SYNE2: variants seen among roughly 807,000 people sequenced by gnomAD.
SYNE2 encodes the protein spectrin repeat containing nuclear envelope protein 2.
SYNE2 carries 431 observed loss-of-function variants against 856.3 expected under a neutral mutation model. The ratio of observed to expected loss-of-function variants is 0.50; its 90% CI spans 0.47 to 0.55. The LOEUF is 0.55. Among genes scored for constraint, SYNE2 ranks in the 20% least tolerant of loss-of-function variants. The probability of loss-of-function intolerance (pLI) is 0.00; values close to 1 mark genes in which losing one functional copy is unlikely to be tolerated. For synonymous variants in SYNE2, 2,923 were observed against 2,872.3 expected, an observed-to-expected ratio of 1.02 and a Z score of -0.56; for missense variants, 8,129 against 8,023.2, an observed-to-expected ratio of 1.01 and a Z score of -0.50.
At chr14:64,013,163 T>C (rs2096860590) in intron 32 of SYNE2, among the ~76,000 whole-genome samples, 1 of 152,196 alleles carries the variant, frequency 6.6e-6, no homozygotes, top group Non-Finnish European at 1.5e-5. Flanking sequence ...TATACTCTCT[T>C]TTCTCATCAT....
chr14:64,070,699 T>C lies in SYNE2; in HGVS notation c.10486T>C (p.Ser3496Pro), dbSNP rs1017635772. 2 of 1,614,058 alleles carry C rather than the reference T, an allele frequency of 1.2e-6. No individual in the cohort carries two copies. The highest frequency in any genetic ancestry group is 2.7e-5 in the African/African-American group (2 of 75,050). ...TCTTCAGGAAGAACTCCCTGAAATT[T>C]CCAAAACAAAAGAGGCAGCCACCAC... ...DNLQEELPEI[S>P]KTKEAATTEE... The change falls in exon 52 of 116, where the codon TCC (serine) becomes CCC (proline). Residue 3496 changes from serine (S) to proline (P), a missense_variant. Ser to Pro is a moderately conservative substitution (Grantham distance 74, BLOSUM62 -1). Transcript: ENST00000555002.
At chr14:64,225,107 C>A in intron 115 of SYNE2, 62 bp downstream of exon 115, 1 of 1,591,262 alleles carries the variant, frequency 6.3e-7, no homozygotes, top group South Asian at 1.1e-5. Context: ...CTGACTCAGT[C>A]TTGCCAATGC....
At chr14:63,841,484 G>T (rs1404086956) in intron 1 of SYNE2, among the ~76,000 whole-genome samples, 1 of 152,166 alleles carries the variant, frequency 6.6e-6, no homozygotes, top group Non-Finnish European at 1.5e-5. Flanking sequence ...GGACAACCTT[G>T]TGCATATGTT....
intron 45 of SYNE2, among the ~76,000 whole-genome samples, chr14:64,045,681 C>T (rs909939820): frequency 6.6e-6 from 1 of 152,198 alleles, no homozygotes; most frequent in Non-Finnish European, 1.5e-5. Flanking sequence ...AGGAAGTTTA[C>T]AAAATTATTT....
At chr14:63,807,861 ATAT>A (rs1888438592) in intron 1 of SYNE2, among the ~76,000 whole-genome samples, 1 of 102,700 alleles carries the variant, frequency 9.7e-6, no homozygotes, top group South Asian at 3.5e-4. Flanking sequence ...ATATATATAT[ATAT>A]AATTTCAATA....
chr14:64,131,460 G>A (rs936745918), intron 76 of SYNE2, among the ~76,000 whole-genome samples: 1 of 152,248 alleles, frequency 6.6e-6, no homozygotes, highest in African/African-American at 2.4e-5. Flanking sequence ...GTTAAAGCCA[G>A]GGTTAAGGAG....
At chr14:64,135,026 T>G (rs28463710) in intron 78 of SYNE2, among the ~76,000 whole-genome samples, 2 of 151,850 alleles carry the variant, frequency 1.3e-5, no homozygotes, top group African/African-American at 2.4e-5. Flanking sequence ...TTAAACTTTT[T>G]TGTGTAACTT....
chr14:64,084,281 A>G (rs1163382292), intron 57 of SYNE2: 2 of 152,162 alleles, frequency 1.3e-5, no homozygotes, highest in Non-Finnish European at 2.9e-5. Flanking sequence ...ATATTAATAC[A>G]CCTATTTTAA....
Position 64,226,326 on chromosome 14 carries a change from C to CTGTT in SYNE2, c.*803_*806dup, listed in dbSNP as rs1307141645. On this transcript the variant is annotated 3_prime_UTR_variant, in exon 116 of 116. Coordinates refer to ENST00000555002, the MANE Select transcript of SYNE2 (RefSeq NM_182914.3). Reference sequence around the variant, plus strand: ...AGTGATGCTTTGCTTTGGGTTTTAACTGTTTGGCCACGGCGGGGGTGGGGG... The same window carrying CTGTT: ...AGTGATGCTTTGCTTTGGGTTTTAACTGTTTGTTTGGCCACGGCGGGGGTGGGGG... 5 of 104,304 alleles carry CTGTT rather than the reference C, an allele frequency of 4.8e-5. No individual in the cohort carries two copies. The highest frequency in any genetic ancestry group is 7.2e-4 in the South Asian group (2 of 2,780). The allele number at this position is 104,304 out of a possible 1,614,324, so 6.5% of individuals were successfully genotyped here.
chr14:63,890,117 G>A (rs1157213689), intron 1 of SYNE2, among the ~76,000 whole-genome samples: 1 of 148,174 alleles, frequency 6.7e-6, no homozygotes, highest in Non-Finnish European at 1.5e-5. Flanking sequence ...ATGGAGTCCA[G>A]TGGTGTGATC....
chr14:64,156,120 G>C (rs541794883), intron 85 of SYNE2, among the ~76,000 whole-genome samples: 1 of 152,016 alleles, frequency 6.6e-6, no homozygotes, highest in African/African-American at 2.4e-5. Context: ...TATTCCTCCC[G>C]CTTGTTTTTA....
Position 64,139,401 on chromosome 14 carries a change from C to CATT in SYNE2, c.14844-527_14844-525dup, listed in dbSNP as rs1259882889. On this transcript the variant is annotated intron_variant, in intron 79 of 115. Transcript: ENST00000555002. ...AAATAAAGAATGCTTTAGACTTCCT[C>CATT]ATTATTATTATTATTTTTTTTTTTA... 3.3e-5 allele frequency among the ~76,000 whole-genome samples: 5 copies of CATT among 151,062 alleles called. No homozygotes were observed. In the East Asian group the frequency reaches 7.8e-4, roughly 24 times the overall value.
Position 64,098,809 on chromosome 14 carries a change from C to T in SYNE2, c.12369C>T (p.Ser4123=), listed in dbSNP as rs377762189. ...AAVEEEVEES[S]VKSDNGDEKA... ...TCGAGGAAGAGGTGGAAGAAAGTTC[C>T]GTGAAGAGCGATGTAAGGGAAATGA... is the stretch of plus-strand genomic sequence containing the variant. Residue 4123 remains serine, a synonymous_variant, in exon 63 of 116, where the codon TCC becomes TCT. Transcript: ENST00000555002. 2.0e-5 allele frequency: 32 copies of T among 1,613,828 alleles called. No homozygotes were observed. The highest frequency in any genetic ancestry group is 5.0e-5 in the Admixed American group (3 of 59,972).
rs1371267630 is a variant in SYNE2, at chr14:64,158,766, A to G, written c.15934A>G (p.Thr5312Ala). The G allele has an allele frequency of 6.2e-7, 1 of 1,613,820 alleles. No homozygotes were observed. Among genetic ancestry groups the G allele is most frequent in the African/African-American group, 1.3e-5 (1 of 74,882 alleles). Residue 5312 changes from threonine (T) to alanine (A), a missense_variant, in exon 86 of 116, where the codon ACC becomes GCC. Physicochemically the swap from Thr to Ala is moderately conservative, Grantham distance 58 (BLOSUM62 0). This residue lies in a region of SYNE2 where 5,410 missense variants were observed against 5,284.8 expected (regional missense o/e 1.02). Transcript: ENST00000555002. ...HSKPVVLSLETLRCQVENLQS... is the reference protein window; with the variant it reads ...HSKPVVLSLEALRCQVENLQS... ...CAAGCCTGTGGTGTTATCATTGGAG[A>G]CCTTGAGATGCCAGGTGGAGAACCT...
At chr14:64,073,860 C>A (rs2097434062) in intron 52 of SYNE2, 108 bp from the exon 53 acceptor site, 3 of 1,217,192 alleles carry the variant, frequency 2.5e-6, no homozygotes, top group South Asian at 1.3e-5. Context: ...AATAACCATC[C>A]TTTAGTAGCT....
chr14:63,949,370 T>G (rs946136249), intron 6 of SYNE2, among the ~76,000 whole-genome samples: 2 of 152,214 alleles, frequency 1.3e-5, no homozygotes, highest in African/African-American at 4.8e-5. Flanking sequence ...TAATGGCAAT[T>G]TTATTTGTTT....
rs577765591 is a variant in SYNE2, at chr14:64,159,425, C to G, written c.16077C>G (p.Cys5359Trp). 1 of 1,613,670 alleles carries G rather than the reference C, an allele frequency of 6.2e-7. No individual in the cohort carries two copies. Among genetic ancestry groups the G allele is most frequent in the African/African-American group, 1.3e-5 (1 of 74,970 alleles). ...PSVAEIIEEK[C>W]QNTHKRWTQV... ...TTGCTGAAATAATCGAAGAGAAATG[C>G]CAAAATACTCATAAAAGGTATGCTT... Residue 5359 changes from cysteine (C) to tryptophan (W), a missense_variant, in exon 87 of 116, where the codon TGC (cysteine) becomes TGG (tryptophan). Transcript: ENST00000555002.
At chr14:64,215,579 C>T in intron 107 of SYNE2, 1 of 610,824 alleles carries the variant, frequency 1.6e-6, no homozygotes, top group South Asian at 1.9e-5. Context: ...CCTCTCCTCC[C>T]TTCAGGCCTG....
At chr14:64,223,120 A>G (rs1469100617) in intron 112 of SYNE2, 69 bp from the exon 113 acceptor site, 2 of 1,580,934 alleles carry the variant, frequency 1.3e-6, no homozygotes, top group South Asian at 1.1e-5. Context: ...GTACTGAGAA[A>G]AACCTCCTGT....
Sources: allele counts gnomAD v4.1 joint callset (sites outside exome capture counted in the v4.1 genomes callset), GRCh38; gene constraint gnomAD v4.1.1; regional missense constraint gnomAD v4.1.1; transcripts MANE v1.5; gene names NCBI Gene and HGNC (gene_info 2026-07-23, HGNC 2026-07-21).